FRMPD4: variants seen among roughly 807,000 people sequenced by gnomAD.
FRMPD4 encodes the protein FERM and PDZ domain-containing protein 4.
In FRMPD4, 22 loss-of-function variants were observed where a neutral mutation model predicts 94.1. The ratio of observed to expected loss-of-function variants is 0.23; its 90% CI spans 0.17 to 0.33. The LOEUF (loss-of-function observed/expected upper bound fraction) is 0.33, where lower values mean the gene tolerates loss of function less well. Among genes scored for constraint, FRMPD4 ranks in the 10% least tolerant of loss-of-function variants. The pLI is 1.00. For missense variants in FRMPD4, 1,111 were observed against 1,339.9 expected (o/e 0.83, Z 2.67); for synonymous variants, 631 against 548.6 (o/e 1.15, Z -2.10).
intron 1 of FRMPD4, among the ~76,000 whole-genome samples, chrX:12,198,621 CT>C (rs2056593856): frequency 1.8e-5 from 2 of 111,815 alleles, no homozygotes; most frequent in Non-Finnish European, 3.8e-5. Context: ...TCATAGATGA[CT>C]TCATCCCCCA....
intron 2 of FRMPD4, among the ~76,000 whole-genome samples, chrX:12,574,244 C>T (rs1264625288): frequency 8.9e-6 from 1 of 112,281 alleles, no homozygotes; most frequent in African/African-American, 3.2e-5. Flanking sequence ...AAGTGATTCA[C>T]CCACCTCAGC....
intron 2 of FRMPD4, among the ~76,000 whole-genome samples, chrX:12,567,087 CTT>C (rs767555601): frequency 9.0e-6 from 1 of 111,202 alleles, no homozygotes; most frequent in Non-Finnish European, 1.9e-5. Flanking sequence ...AAAAAAAACA[CTT>C]TTTTTCCACA....
intron 1 of FRMPD4, among the ~76,000 whole-genome samples, chrX:12,273,554 C>T (rs1207906849): frequency 3.6e-5 from 4 of 112,272 alleles, no homozygotes; most frequent in Non-Finnish European, 7.5e-5. Context: ...AGTATATAAT[C>T]ATATGATATG....
chrX:12,718,333 T>G lies in FRMPD4; in HGVS notation c.3507T>G (p.Ala1169=). 8.3e-7 allele frequency: 1 copy of G among 1,211,137 alleles called. No homozygotes were observed. The highest frequency in any genetic ancestry group is 2.3e-4 in the Middle Eastern group (1 of 4,353). Residue 1169 remains alanine, a synonymous_variant, in exon 16 of 17, where the codon GCT becomes GCG. Coordinates refer to ENST00000675598, the MANE Select transcript of FRMPD4 (RefSeq NM_001368397.1). ...SAKDLDNPED[A]DSSTCDHPSK... The stretch of plus-strand genomic sequence containing the variant: ...AAGACTTAGATAACCCAGAGGACGC[T>G]GACTCGTCCACCTGCGACCATCCTT...
chrX:12,349,672 A>G (rs1001872475), intron 1 of FRMPD4, among the ~76,000 whole-genome samples: 3 of 112,091 alleles, frequency 2.7e-5, no homozygotes, highest in African/African-American at 9.7e-5. Context: ...GTCCGGTTCA[A>G]TCAAAGGTCT....
chrX:12,165,864 T>C (rs1289147446), intron 1 of FRMPD4, among the ~76,000 whole-genome samples: 1 of 111,197 alleles, frequency 9.0e-6, no homozygotes, highest in East Asian at 2.8e-4. Flanking sequence ...CTGTTATTGG[T>C]GTATAAGAAT....
At chrX:11,826,707 TC>T (rs769030876) in intron 1 of FRMPD4, among the ~76,000 whole-genome samples, 1 of 111,753 alleles carries the variant, frequency 8.9e-6, no homozygotes, top group East Asian at 2.8e-4. Context: ...CCAATGGGCC[TC>T]CTTCGAAGTG....
At chrX:12,450,022 A>G (rs1157168469) in intron 1 of FRMPD4, among the ~76,000 whole-genome samples, 4 of 110,438 alleles carry the variant, frequency 3.6e-5, no homozygotes, top group African/African-American at 1.3e-4. Context: ...TTATAGGCAG[A>G]AATTATTTGA....
chrX:12,095,421 A>G (rs772762203), intron 3 of FRMPD4, among the ~76,000 whole-genome samples: 4 of 111,053 alleles, frequency 3.6e-5, no homozygotes, highest in African/African-American at 1.3e-4. Flanking sequence ...TGAAAATTAA[A>G]TGAAACTCAA....
chrX:12,467,293 T>C (rs1345673794), intron 1 of FRMPD4, among the ~76,000 whole-genome samples: 1 of 111,826 alleles, frequency 8.9e-6, no homozygotes, highest in Non-Finnish European at 1.9e-5. Flanking sequence ...CAACTTGTGC[T>C]ATGCAATAGA....
intron 3 of FRMPD4, among the ~76,000 whole-genome samples, chrX:12,075,837 T>C (rs2055008876): frequency 8.9e-6 from 1 of 112,216 alleles, no homozygotes; most frequent in Non-Finnish European, 1.9e-5. Context: ...GGAAGTTGAA[T>C]GTGGAATTAC....
At chrX:12,468,132 TATTA>T (rs1351466391) in intron 1 of FRMPD4, among the ~76,000 whole-genome samples, 1 of 112,204 alleles carries the variant, frequency 8.9e-6, no homozygotes, top group Non-Finnish European at 1.9e-5. Flanking sequence ...AAATCTTATT[TATTA>T]GACTTACCCT....
chrX:12,642,650 C>T lies in FRMPD4; in HGVS notation c.422+27769C>T, dbSNP rs1026513785. Among the ~76,000 whole-genome samples, 4 of 112,822 alleles carry T rather than the reference C, an allele frequency of 3.5e-5. No homozygotes were observed. The Admixed American group carries it at 3.7e-4, about 10-fold the overall frequency. ...GGCATGGTGGATCATACCTGTAATC[C>T]CAAAACTTTGGAAGGCCAACGTGGG... On this transcript the variant is annotated intron_variant, in intron 4 of 16. Coordinates refer to ENST00000675598, the MANE Select transcript of FRMPD4 (RefSeq NM_001368397.1).
At chrX:12,547,297 C>T (rs1021403826) in intron 2 of FRMPD4, among the ~76,000 whole-genome samples, 1 of 111,104 alleles carries the variant, frequency 9.0e-6, no homozygotes, top group African/African-American at 3.3e-5. Context: ...CCAATTCAAA[C>T]CCACACAGTC....
intron 1 of FRMPD4, among the ~76,000 whole-genome samples, chrX:12,164,608 C>T (rs1426094010): frequency 1.8e-5 from 2 of 112,076 alleles, no homozygotes; most frequent in Non-Finnish European, 3.8e-5. Flanking sequence ...TTGTAGATCC[C>T]TGAGGAATCG....
At chrX:12,628,170 G>A (rs1371028879) in intron 4 of FRMPD4, among the ~76,000 whole-genome samples, 1 of 111,641 alleles carries the variant, frequency 9.0e-6, no homozygotes, top group African/African-American at 3.3e-5. Context: ...TGAGAGAAGT[G>A]TAACATTATC....
chrX:12,422,833 T>G (rs2056900316), intron 1 of FRMPD4, among the ~76,000 whole-genome samples: 1 of 111,690 alleles, frequency 9.0e-6, no homozygotes, highest in Admixed American at 9.5e-5. Context: ...AACACACAGG[T>G]TTTTTTTGGT....
chrX:12,098,331 C>A (rs1310768546), intron 3 of FRMPD4, among the ~76,000 whole-genome samples: 2 of 110,481 alleles, frequency 1.8e-5, no homozygotes, highest in Non-Finnish European at 3.8e-5. Flanking sequence ...GACATAAAAC[C>A]TATTACAGTG....
intron 4 of FRMPD4, among the ~76,000 whole-genome samples, chrX:12,669,431 A>G (rs946711888): frequency 7.9e-5 from 7 of 89,159 alleles, no homozygotes; most frequent in Non-Finnish European, 1.5e-4. Context: ...AGCCATGCTT[A>G]TATTTCTAAC....
Sources: gnomAD v4.1 joint callset for allele counts (sites outside exome capture counted in the v4.1 genomes callset) on GRCh38, gnomAD v4.1.1 for gene constraint, MANE v1.5 for transcripts, NCBI Gene and HGNC (gene_info 2026-07-23, HGNC 2026-07-21) for gene names.